Variants in KCNH5 observed in about 807,000 individuals in gnomAD.
The protein encoded by KCNH5 is voltage-gated delayed rectifier potassium channel KCNH5.
Under a neutral mutation model 96.1 loss-of-function variants are expected in KCNH5, and 46 were observed. The observed-to-expected ratio is 0.48, with a 90% CI of 0.38 to 0.61. The LOEUF is 0.61. Among genes scored for constraint, KCNH5 ranks in the 20% least tolerant of loss-of-function variants. KCNH5 has a pLI of 0.00. For synonymous variants in KCNH5, 439 were observed against 449.8 expected, an observed-to-expected ratio of 0.98 and a Z score of 0.30; for missense variants, 907 against 1,225.8, an observed-to-expected ratio of 0.74 and a Z score of 3.88.
At chr14:62,853,261 A>G (rs1011684654) in intron 7 of KCNH5, among the ~76,000 whole-genome samples, 3 of 151,878 alleles carry the variant, frequency 2.0e-5, no homozygotes, top group African/African-American at 7.3e-5. Flanking sequence ...CTTTGGACCA[A>G]TTACTAAACC....
chr14:62,953,898 C>G (rs1036610043), intron 6 of KCNH5, among the ~76,000 whole-genome samples: 8 of 152,176 alleles, frequency 5.3e-5, no homozygotes, highest in African/African-American at 1.9e-4. Flanking sequence ...TTCTTTAAAG[C>G]ACAACTGTCT....
chr14:62,995,687 G>A (rs2139584642), intron 4 of KCNH5, among the ~76,000 whole-genome samples: 1 of 152,108 alleles, frequency 6.6e-6, no homozygotes, highest in African/African-American at 2.4e-5. Context: ...TAGATAACTA[G>A]TTCAGACGCA....
At chr14:62,978,958 A>G (rs1890554396) in intron 6 of KCNH5, among the ~76,000 whole-genome samples, 1 of 152,214 alleles carries the variant, frequency 6.6e-6, no homozygotes, top group Non-Finnish European at 1.5e-5. Flanking sequence ...TCCAGAATGT[A>G]GTACATTGTT....
At chr14:62,851,199 A>AT (rs891596082) in intron 7 of KCNH5, among the ~76,000 whole-genome samples, 2 of 152,138 alleles carry the variant, frequency 1.3e-5, no homozygotes, top group Non-Finnish European at 2.9e-5. Flanking sequence ...TTTAAGACAG[A>AT]TTTTTAAGAC....
At chr14:62,754,495 G>T (rs772151149) in intron 10 of KCNH5, among the ~76,000 whole-genome samples, 2 of 152,004 alleles carry the variant, frequency 1.3e-5, no homozygotes, top group Non-Finnish European at 2.9e-5. Context: ...ATGATCTGTT[G>T]CCTATAAGAA....
chr14:62,793,407 C>T (rs1476836737), intron 9 of KCNH5, among the ~76,000 whole-genome samples: 1 of 151,738 alleles, frequency 6.6e-6, no homozygotes, highest in African/African-American at 2.4e-5. Context: ...TACACAGACT[C>T]ATCACATTGT....
intron 5 of KCNH5, among the ~76,000 whole-genome samples, chr14:62,986,646 C>T (rs993767782): frequency 1.3e-5 from 2 of 152,282 alleles, no homozygotes; most frequent in Non-Finnish European, 1.5e-5. Flanking sequence ...CCACAGCACC[C>T]TGTCATTGCA....
At chr14:62,821,107 AATTTGC>A (rs2140017804) in intron 8 of KCNH5, among the ~76,000 whole-genome samples, 1 of 152,004 alleles carries the variant, frequency 6.6e-6, no homozygotes, top group East Asian at 1.9e-4. Context: ...TATCTTGTTA[AATTTGC>A]AAGAAAAAAA....
chr14:62,712,626 G>A (rs186410872), intron 10 of KCNH5: 10 of 763,786 alleles, frequency 1.3e-5, no homozygotes, highest in Middle Eastern at 2.3e-4. Context: ...GTGAAAACTC[G>A]GATAGATGAA....
chr14:62,815,638 C>T (rs958568790), intron 8 of KCNH5, among the ~76,000 whole-genome samples: 1 of 151,696 alleles, frequency 6.6e-6, no homozygotes, highest in Admixed American at 6.6e-5. Flanking sequence ...GTAAATTATA[C>T]CTCAATGGTG....
chr14:62,994,691 G>C (rs1890875066), intron 4 of KCNH5, among the ~76,000 whole-genome samples: 1 of 152,048 alleles, frequency 6.6e-6, no homozygotes, highest in South Asian at 2.1e-4. Flanking sequence ...GATTGAGGTA[G>C]TTAAACCTCA....
chr14:62,784,593 C>T (rs557637798), intron 9 of KCNH5, among the ~76,000 whole-genome samples: 2 of 152,018 alleles, frequency 1.3e-5, no homozygotes, highest in Non-Finnish European at 2.9e-5. Context: ...CTTAATAAAA[C>T]TGAATTCATA....
intron 8 of KCNH5, among the ~76,000 whole-genome samples, chr14:62,812,297 T>C (rs775184012): frequency 4.6e-5 from 7 of 152,182 alleles, no homozygotes; most frequent in Non-Finnish European, 8.8e-5. Flanking sequence ...CAGCCTAAAT[T>C]TCATTGCCAA....
intron 7 of KCNH5, among the ~76,000 whole-genome samples, chr14:62,863,778 C>T (rs905173786): frequency 2.6e-5 from 4 of 151,910 alleles, no homozygotes; most frequent in Non-Finnish European, 5.9e-5. Context: ...AGTTGTAAAC[C>T]AGGCAGCCAT....
At chr14:62,741,615 C>G (rs1337598399) in intron 10 of KCNH5, among the ~76,000 whole-genome samples, 2 of 151,936 alleles carry the variant, frequency 1.3e-5, no homozygotes, top group Non-Finnish European at 2.9e-5. Context: ...TTGCAGCTTA[C>G]TTAGGATGAA....
chr14:62,942,348 C>T (rs564543802), intron 7 of KCNH5, among the ~76,000 whole-genome samples: 35 of 152,294 alleles, frequency 2.3e-4, no homozygotes, highest in East Asian at 1.9e-3. Context: ...CAGGGTCACA[C>T]GGGCCTTTGC....
At chr14:62,787,395 G>C (rs140336945) in intron 9 of KCNH5, among the ~76,000 whole-genome samples, 4 of 152,276 alleles carry the variant, frequency 2.6e-5, no homozygotes, top group African/African-American at 9.6e-5. Context: ...TTTGAAGCTA[G>C]CAGAGATTGG....
chr14:62,775,087 AT>A (rs1289344673), intron 10 of KCNH5, among the ~76,000 whole-genome samples: 1 of 152,234 alleles, frequency 6.6e-6, no homozygotes, highest in Non-Finnish European at 1.5e-5. Context: ...CATAAATGGC[AT>A]TTCAAGATAT....
intron 8 of KCNH5, among the ~76,000 whole-genome samples, chr14:62,842,619 C>T (rs535930543): frequency 1.3e-5 from 2 of 152,184 alleles, no homozygotes; most frequent in East Asian, 1.9e-4. Flanking sequence ...TTAATAGCGT[C>T]TCTTGCTCAA....
Sources: gnomAD v4.1 joint callset for allele counts (sites outside exome capture counted in the v4.1 genomes callset) on GRCh38, gnomAD v4.1.1 for gene constraint, MANE v1.5 for transcripts, NCBI Gene and HGNC (gene_info 2026-07-23, HGNC 2026-07-21) for gene names.